Variants in FYB1 observed in about 807,000 individuals in gnomAD.
The protein encoded by FYB1 is FYN binding protein 1.
In FYB1, 41 loss-of-function variants were observed where a neutral mutation model predicts 94.1. That is an observed-to-expected ratio of 0.44 (90% CI 0.34 to 0.57). The LOEUF (loss-of-function observed/expected upper bound fraction) is 0.57, where lower values mean the gene tolerates loss of function less well. Ranked by LOEUF, FYB1 falls within the 20% of genes least tolerant of loss-of-function variation. The probability of loss-of-function intolerance (pLI) is 0.02; values close to 1 mark genes in which losing one functional copy is unlikely to be tolerated. For missense variants in FYB1, 1,050 were observed against 976.8 expected (o/e 1.07, Z -1.00); for synonymous variants, 367 against 353.2 (o/e 1.04, Z -0.44).
chr5:39,200,917 T>C (rs1748252838), intron 2 of FYB1, among the ~76,000 whole-genome samples: 1 of 152,160 alleles, frequency 6.6e-6, no homozygotes, highest in Non-Finnish European at 1.5e-5. Context: ...ATATTAATCA[T>C]CTCAGGCATG....
chr5:39,205,943 T>C (rs1748809461), intron 1 of FYB1, among the ~76,000 whole-genome samples: 1 of 152,230 alleles, frequency 6.6e-6, no homozygotes, highest in South Asian at 2.1e-4. Context: ...AGATAAGAAT[T>C]GCACGTAATA....
At chr5:39,244,069 C>A (rs1751348877) in intron 1 of FYB1, among the ~76,000 whole-genome samples, 1 of 152,112 alleles carries the variant, frequency 6.6e-6, no homozygotes, top group Admixed American at 6.5e-5. Context: ...TCTAAATATA[C>A]AATCATGTCA....
At position 39,122,413 on chromosome 5, in the gene FYB1, A is replaced by G. The variant is rs1031650219; in HGVS notation, c.2072-11T>C. 9 of 1,524,184 alleles carry G rather than the reference A, an allele frequency of 5.9e-6. No individual in the cohort carries two copies. The highest frequency in any genetic ancestry group is 8.1e-6 in the Non-Finnish European group (9 of 1,113,774). 94.4% of individuals were successfully genotyped at this position (1,524,184 alleles called of 1,614,324 possible). On this transcript the variant is annotated splice_polypyrimidine_tract_variant and intron_variant, in intron 13 of 18. Coordinates refer to ENST00000512982, the MANE Select transcript of FYB1 (RefSeq NM_001465.6). The stretch of plus-strand genomic sequence containing the variant: ...CTTCATCTCCCATGTCTAACAAAAG[A>G]CAGAATATCAAAGGTTGAAACACTG...
At position 39,124,234 on chromosome 5, in the gene FYB1, A is replaced by C. The variant is rs1437394840; in HGVS notation, c.2071+19T>G. ...AAGAAATGAAGATACAGAACATACA[A>C]TCAGTTTTTATTACTTACCCAATTG... On this transcript the variant is annotated intron_variant, in intron 13 of 18. Coordinates refer to ENST00000512982, the MANE Select transcript of FYB1 (RefSeq NM_001465.6). 1 of 1,531,206 alleles carries C rather than the reference A, an allele frequency of 6.5e-7. No individual in the cohort carries two copies. Among genetic ancestry groups the C allele is most frequent in the African/African-American group, 1.4e-5 (1 of 71,782 alleles). 94.9% of individuals were successfully genotyped at this position (1,531,206 alleles called of 1,614,324 possible). A position where few individuals can be genotyped will look rare whatever the true frequency, so the allele number is the denominator to read the frequency against.
intron 17 of FYB1, among the ~76,000 whole-genome samples, chr5:39,109,620 G>T (rs1738867844): frequency 6.6e-6 from 1 of 152,112 alleles, no homozygotes; most frequent in African/African-American, 2.4e-5. Flanking sequence ...GTGTCAGGTT[G>T]TTGATGGGTA....
At chr5:39,122,223 G>A in intron 14 of FYB1, 113 bp downstream of exon 14, 1 of 686,800 alleles carries the variant, frequency 1.5e-6, no homozygotes, top group South Asian at 1.8e-5. Flanking sequence ...GGAGTCCAGA[G>A]CCAACAGGAT....
chr5:39,124,490 A>G lies in FYB1; in HGVS notation c.2046-212T>C, dbSNP rs74915423. On this transcript the variant is annotated intron_variant, in intron 12 of 18. Transcript: ENST00000512982. Reference sequence around the variant, plus strand: ...TTAGCAAGACATTTTTTGAACCCCAAATGTTTGCCAAAATGTCCAGAGTCA... The same window carrying G: ...TTAGCAAGACATTTTTTGAACCCCAGATGTTTGCCAAAATGTCCAGAGTCA... Among the ~76,000 whole-genome samples, 221 of 152,212 alleles carry G rather than the reference A, an allele frequency of 1.5e-3. 1 individual carries two copies. The highest frequency in any genetic ancestry group is 5.1e-3 in the African/African-American group (210 of 41,532).
upstream of FYB1, among the ~76,000 whole-genome samples, chr5:39,220,261 A>AT (rs1425587154): frequency 6.6e-6 from 1 of 151,786 alleles, no homozygotes; most frequent in Non-Finnish European, 1.5e-5. Flanking sequence ...TAAAAAAAAA[A>AT]TTAGCCAAGT....
At chr5:39,121,975 G>A (rs1740159762) in intron 14 of FYB1, among the ~76,000 whole-genome samples, 1 of 152,142 alleles carries the variant, frequency 6.6e-6, no homozygotes, top group Non-Finnish European at 1.5e-5. Context: ...AAGAATCAGT[G>A]AGACTGGTTG....
intron 2 of FYB1, among the ~76,000 whole-genome samples, chr5:39,172,041 G>C (rs1054869197): frequency 9.9e-5 from 15 of 152,142 alleles, no homozygotes; most frequent in Admixed American, 5.2e-4. Context: ...AGCATGGTGA[G>C]GAGCAGTCTT....
At chr5:39,117,016 T>C (rs575120652) in intron 16 of FYB1, among the ~76,000 whole-genome samples, 1 of 152,198 alleles carries the variant, frequency 6.6e-6, no homozygotes, top group Non-Finnish European at 1.5e-5. Flanking sequence ...GCAAGATATG[T>C]AGAAGCTTCT....
intron 3 of FYB1, among the ~76,000 whole-genome samples, chr5:39,141,387 G>A (rs912924783): frequency 5.9e-5 from 9 of 152,298 alleles, no homozygotes; most frequent in Admixed American, 2.6e-4. Context: ...CAATTAATCC[G>A]TTGCTTCTGG....
intron 3 of FYB1, among the ~76,000 whole-genome samples, chr5:39,144,368 G>C (rs1026405967): frequency 6.6e-6 from 1 of 152,078 alleles, no homozygotes; most frequent in African/African-American, 2.4e-5. Context: ...GAGGAGACAG[G>C]GACATATAGC....
chr5:39,215,336 AC>A (rs1368240031), intron 1 of FYB1, among the ~76,000 whole-genome samples: 9 of 152,262 alleles, frequency 5.9e-5, no homozygotes, highest in Non-Finnish European at 1.3e-4. Context: ...AAATATAAAC[AC>A]AACTCTCACT....
chr5:39,214,630 C>T (rs834517), intron 1 of FYB1, among the ~76,000 whole-genome samples: 4,922 of 152,236 alleles, frequency 0.032, 267 homozygotes, highest in African/African-American at 0.11. Flanking sequence ...AAGCCAGTCA[C>T]GAAACAACAA....
intron 15 of FYB1, 69 bp downstream of exon 15, chr5:39,119,466 T>G: frequency 8.6e-7 from 1 of 1,164,872 alleles, no homozygotes; most frequent in Non-Finnish European, 1.2e-6. Flanking sequence ...GTGTTTTTTT[T>G]GTTACTTAAA....
At chr5:39,170,097 G>T in intron 2 of FYB1, 1 of 850,780 alleles carries the variant, frequency 1.2e-6, no homozygotes, top group Non-Finnish European at 2.0e-6. Context: ...CAGCTAAGAT[G>T]GTGGCTTTTT....
At chr5:39,109,704 A>C (rs1022778624) in intron 17 of FYB1, among the ~76,000 whole-genome samples, 4 of 152,040 alleles carry the variant, frequency 2.6e-5, no homozygotes, top group Admixed American at 1.3e-4. Flanking sequence ...ACGTGACCTA[A>C]CCTGATAATG....
chr5:39,253,644 TGTAAG>T (rs1157273377), intron 1 of FYB1, among the ~76,000 whole-genome samples: 7 of 152,086 alleles, frequency 4.6e-5, no homozygotes, highest in Non-Finnish European at 1.0e-4. Flanking sequence ...AAATGTGTGT[TGTAAG>T]GTATAGGATT....
Sources: allele counts gnomAD v4.1 joint callset (sites outside exome capture counted in the v4.1 genomes callset), GRCh38; gene constraint gnomAD v4.1.1; transcripts MANE v1.5; gene names NCBI Gene and HGNC (gene_info 2026-07-23, HGNC 2026-07-21).